AFG1L: variants seen among roughly 807,000 people sequenced by gnomAD.
AFG1L encodes the protein AFG1-like ATPase.
Under a neutral mutation model 62.2 loss-of-function variants are expected in AFG1L, and 53 were observed. That is an observed-to-expected ratio of 0.85 (90% CI 0.68 to 1.07). The LOEUF (loss-of-function observed/expected upper bound fraction) is 1.07, where lower values mean the gene tolerates loss of function less well. Ranked by LOEUF, AFG1L falls within the 50% of genes least tolerant of loss-of-function variation. The probability of loss-of-function intolerance (pLI) is 0.00; values close to 1 mark genes in which losing one functional copy is unlikely to be tolerated. For missense variants in AFG1L, 555 were observed against 590.5 expected, an observed-to-expected ratio of 0.94 and a Z score of 0.62; for synonymous variants, 228 against 210.3, an observed-to-expected ratio of 1.08 and a Z score of -0.73.
At chr6:108,330,160 G>C (rs1778213273) in intron 2 of AFG1L, among the ~76,000 whole-genome samples, 1 of 149,104 alleles carries the variant, frequency 6.7e-6, no homozygotes, top group South Asian at 2.1e-4. Flanking sequence ...CTCCATCACT[G>C]TAAGAAATAA....
At chr6:108,386,258 T>TCACA in intron 6 of AFG1L, among the ~76,000 whole-genome samples, 1 of 152,060 alleles carries the variant, frequency 6.6e-6, no homozygotes, top group African/African-American at 2.4e-5. Flanking sequence ...GGTCAGAAGT[T>TCACA]TGAGACCAGC....
chr6:108,390,915 C>T (rs1781028036), intron 6 of AFG1L, among the ~76,000 whole-genome samples: 1 of 152,142 alleles, frequency 6.6e-6, no homozygotes, highest in Non-Finnish European at 1.5e-5. Flanking sequence ...CAGAAATCAC[C>T]CGTCTTCTGC....
At chr6:108,301,797 C>A (rs1777011377) in intron 1 of AFG1L, among the ~76,000 whole-genome samples, 1 of 152,146 alleles carries the variant, frequency 6.6e-6, no homozygotes, top group Non-Finnish European at 1.5e-5. Flanking sequence ...CCAATATGTG[C>A]CCAGGATTAG....
At chr6:108,307,387 T>C (rs1777241175) in intron 1 of AFG1L, among the ~76,000 whole-genome samples, 2 of 150,936 alleles carry the variant, frequency 1.3e-5, no homozygotes, top group South Asian at 4.2e-4. Context: ...ACAACTGCTG[T>C]TAACTTTAAT....
intron 6 of AFG1L, among the ~76,000 whole-genome samples, chr6:108,369,159 A>G (rs1283273679): frequency 6.6e-6 from 1 of 152,148 alleles, no homozygotes; most frequent in African/African-American, 2.4e-5. Flanking sequence ...AGAGAGACTA[A>G]GCATATCAGG....
At chr6:108,310,415 T>C (rs1000043671) in intron 1 of AFG1L, among the ~76,000 whole-genome samples, 1 of 152,226 alleles carries the variant, frequency 6.6e-6, no homozygotes, top group East Asian at 1.9e-4. Flanking sequence ...TATATATCTT[T>C]GGAGAAATGT....
intron 12 of AFG1L, chr6:108,520,947 A>G (rs1465657283): frequency 6.6e-6 from 1 of 152,268 alleles, no homozygotes; most frequent in Admixed American, 6.5e-5. Context: ...CATTAATCCC[A>G]TTCATGAGGG....
intron 2 of AFG1L, among the ~76,000 whole-genome samples, chr6:108,335,057 G>A (rs1778427017): frequency 6.6e-6 from 1 of 151,278 alleles, no homozygotes; most frequent in South Asian, 2.1e-4. Context: ...GTAGTGGCAC[G>A]ATCTCAGCTC....
At chr6:108,517,429 C>T (rs1470540685) in intron 11 of AFG1L, among the ~76,000 whole-genome samples, 1 of 152,130 alleles carries the variant, frequency 6.6e-6, no homozygotes, top group East Asian at 1.9e-4. Context: ...ATAAATGGTG[C>T]TGGGAAAACT....
chr6:108,386,056 T>C (rs750886411), intron 6 of AFG1L, among the ~76,000 whole-genome samples: 1 of 152,204 alleles, frequency 6.6e-6, no homozygotes. Context: ...GAGGCTGCAG[T>C]GAGCTATAAT....
intron 1 of AFG1L, among the ~76,000 whole-genome samples, chr6:108,316,624 C>T (rs1317742659): frequency 2.0e-5 from 3 of 149,890 alleles, no homozygotes; most frequent in African/African-American, 7.4e-5. Context: ...AGCTCCGCCT[C>T]CCAGGTTCAC....
intron 5 of AFG1L, among the ~76,000 whole-genome samples, 166 bp downstream of exon 5, chr6:108,356,986 A>G (rs570779821): frequency 6.6e-6 from 1 of 152,274 alleles, no homozygotes; most frequent in African/African-American, 2.4e-5. Context: ...CACAACCTGC[A>G]CAGCTGCACA....
chr6:108,355,093 ATCTT>A (rs1023954297), intron 3 of AFG1L, among the ~76,000 whole-genome samples: 2 of 148,776 alleles, frequency 1.3e-5, no homozygotes, highest in African/African-American at 4.9e-5. Flanking sequence ...TTTATATTTC[ATCTT>A]TCTTCTCTTT....
At chr6:108,316,924 T>G (rs1777627907) in intron 1 of AFG1L, among the ~76,000 whole-genome samples, 1 of 152,232 alleles carries the variant, frequency 6.6e-6, no homozygotes, top group African/African-American at 2.4e-5. Context: ...ATGTTTGTGA[T>G]GAGACCATTT....
intron 1 of AFG1L, among the ~76,000 whole-genome samples, chr6:108,311,451 T>C (rs1013792496): frequency 6.6e-6 from 1 of 152,192 alleles, no homozygotes; most frequent in East Asian, 1.9e-4. Context: ...ATACACTTTA[T>C]TAGAGTTGTT....
chr6:108,446,914 T>A (rs983347806), intron 7 of AFG1L, among the ~76,000 whole-genome samples: 11 of 151,954 alleles, frequency 7.2e-5, no homozygotes, highest in East Asian at 3.9e-4. Flanking sequence ...TGGGCTATTT[T>A]AAAAAAAACC....
At chr6:108,485,656 A>ATATATATATATATATATATAT (rs1359021647) in intron 10 of AFG1L, among the ~76,000 whole-genome samples, 1 of 25,034 alleles carries the variant, frequency 4.0e-5, no homozygotes, top group African/African-American at 2.6e-4. Context: ...ATATATATAT[A>ATATATATATATATATATATAT]TTTTTTTTTT....
At position 108,440,071 on chromosome 6, in the gene AFG1L, A is replaced by G. The variant is rs867816855; in HGVS notation, c.808-7143A>G. 3.5e-4 allele frequency among the ~76,000 whole-genome samples: 53 copies of G among 152,358 alleles called. No homozygotes were observed. In the Middle Eastern group the frequency reaches 0.014, roughly 39 times the overall value. ...TAGGAAAAACTTATATAAGCTATAA[A>G]CAAACTTTTTTCTGAGAAAGGGGTA... On this transcript the variant is annotated intron_variant, in intron 7 of 12. Coordinates refer to ENST00000368977, the MANE Select transcript of AFG1L (RefSeq NM_145315.5).
chr6:108,301,606 T>C (rs549706704), intron 1 of AFG1L, among the ~76,000 whole-genome samples: 27 of 152,382 alleles, frequency 1.8e-4, no homozygotes, highest in Non-Finnish European at 3.4e-4. Flanking sequence ...TTAATAACTG[T>C]TCAGTTTAAA....
Sources: allele counts gnomAD v4.1 joint callset (sites outside exome capture counted in the v4.1 genomes callset), GRCh38; gene constraint gnomAD v4.1.1; transcripts MANE v1.5; gene names NCBI Gene and HGNC (gene_info 2026-07-23, HGNC 2026-07-21).